Variants in CDK13 observed in about 807,000 individuals in gnomAD.
CDK13 encodes cyclin-dependent kinase 13.
In CDK13, 40 loss-of-function variants were observed where a neutral mutation model predicts 137.6. The ratio of observed to expected loss-of-function variants is 0.29; its 90% CI spans 0.23 to 0.38. The LOEUF (loss-of-function observed/expected upper bound fraction) is 0.38. Ranked by LOEUF, CDK13 falls within the 10% of genes least tolerant of loss-of-function variation. The pLI is 1.00. For missense variants in CDK13, 1,704 were observed against 1,951.8 expected, an observed-to-expected ratio of 0.87 and a Z score of 2.39; for synonymous variants, 869 against 760.1, an observed-to-expected ratio of 1.14 and a Z score of -2.36.
chr7:40,048,678 G>A (rs1785806717), intron 7 of CDK13: 2 of 147,688 alleles, frequency 1.4e-5, no homozygotes, highest in Non-Finnish European at 2.9e-5. Context: ...TCAGTTGATT[G>A]CAGTCTTAGG....
intron 1 of CDK13, among the ~76,000 whole-genome samples, chr7:39,963,001 G>C (rs997475453): frequency 2.0e-5 from 3 of 152,318 alleles, no homozygotes; most frequent in African/African-American, 7.2e-5. Flanking sequence ...TTTAGTACCA[G>C]TACCATGCTG....
intron 1 of CDK13, among the ~76,000 whole-genome samples, chr7:39,953,699 CAT>C (rs1195351539): frequency 6.6e-6 from 1 of 152,154 alleles, no homozygotes; most frequent in East Asian, 1.9e-4. Context: ...CCGTTCAACA[CAT>C]AATCTTTTCA....
Position 40,001,929 on chromosome 7 carries a change from C to A in CDK13, c.2251C>A (p.Arg751=). The change falls in exon 5 of 14, where the codon CGA becomes AGA. Residue 751 remains arginine, a synonymous_variant. Coordinates refer to ENST00000181839, the MANE Select transcript of CDK13 (RefSeq NM_003718.5). ...EKEGFPITAI[R]EIKILRQLTH... is the part of the protein sequence containing the mutation. ...GGAAGGCTTTCCAATTACAGCAATT[C>A]GAGAAATTAAAATTCTCCGGCAGCT... 1 of 1,609,602 alleles carries A rather than the reference C, an allele frequency of 6.2e-7. No individual in the cohort carries two copies. Among genetic ancestry groups the A allele is most frequent in the Non-Finnish European group, 8.5e-7 (1 of 1,176,356 alleles).
At chr7:39,977,784 C>T (rs1418615193) in intron 1 of CDK13, among the ~76,000 whole-genome samples, 1 of 152,092 alleles carries the variant, frequency 6.6e-6, no homozygotes, top group South Asian at 2.1e-4. Context: ...GGGAGACTTG[C>T]ACTGGGCCCA....
chr7:40,068,398 T>G lies in CDK13; in HGVS notation c.2780+5298T>G, dbSNP rs952662804. Among the ~76,000 whole-genome samples the G allele has an allele frequency of 1.6e-4, 24 of 151,634 alleles. 1 individual carries two copies. Among genetic ancestry groups the G allele is most frequent in the Non-Finnish European group, 3.1e-4 (21 of 67,902 alleles). Reference sequence around the variant, plus strand: ...ATTTTATAGCATGCTGTACTGTTACTAAGAAGGAAATAGTTGGTCAGGCAC... The same window carrying G: ...ATTTTATAGCATGCTGTACTGTTACGAAGAAGGAAATAGTTGGTCAGGCAC... On this transcript the variant is annotated intron_variant, in intron 9 of 13. Coordinates refer to ENST00000181839, the MANE Select transcript of CDK13 (RefSeq NM_003718.5).
At chr7:39,996,983 A>AAAAAAAAAAAAAAAAAAAAAAG (rs1562719391) in intron 2 of CDK13, among the ~76,000 whole-genome samples, 15 of 141,432 alleles carry the variant, frequency 1.1e-4, no homozygotes, top group African/African-American at 4.5e-4. Flanking sequence ...AAAAGAAAAA[A>AAAAAAAAAAAAAAAAAAAAAAG]AAAAAGAAAA....
At chr7:40,082,069 A>G (rs1339793674) in intron 11 of CDK13, among the ~76,000 whole-genome samples, 1 of 152,206 alleles carries the variant, frequency 6.6e-6, no homozygotes, top group African/African-American at 2.4e-5. Flanking sequence ...ATGAATTCCA[A>G]TTTTATTTTT....
chr7:39,969,550 G>A (rs1404895421), intron 1 of CDK13, among the ~76,000 whole-genome samples: 3 of 152,174 alleles, frequency 2.0e-5, no homozygotes, highest in Non-Finnish European at 4.4e-5. Flanking sequence ...CTGTGTTGTT[G>A]TATGGGAAGC....
chr7:40,003,628 A>G (rs1417257908), intron 5 of CDK13, among the ~76,000 whole-genome samples: 1 of 152,128 alleles, frequency 6.6e-6, no homozygotes, highest in Non-Finnish European at 1.5e-5. Context: ...AGTTTGTGCA[A>G]ATGCTGTTTG....
intron 5 of CDK13, among the ~76,000 whole-genome samples, chr7:40,020,494 C>T (rs1159883547): frequency 2.6e-5 from 4 of 152,130 alleles, no homozygotes; most frequent in South Asian, 2.1e-4. Flanking sequence ...CTGCTGTTCC[C>T]CCAATGTATT....
At chr7:40,087,389 C>T (rs1042547837) in intron 11 of CDK13, among the ~76,000 whole-genome samples, 4 of 151,764 alleles carry the variant, frequency 2.6e-5, no homozygotes, top group African/African-American at 7.3e-5. Flanking sequence ...GCAATCCTCC[C>T]GTCTTGGCCT....
intron 7 of CDK13, among the ~76,000 whole-genome samples, chr7:40,056,365 A>G (rs1183971755): frequency 6.6e-6 from 1 of 152,226 alleles, no homozygotes; most frequent in Non-Finnish European, 1.5e-5. Flanking sequence ...TATTTAAAAT[A>G]CAATTAAAGT....
At chr7:39,970,241 C>T (rs914480363) in intron 1 of CDK13, among the ~76,000 whole-genome samples, 2 of 151,268 alleles carry the variant, frequency 1.3e-5, no homozygotes, top group East Asian at 2.0e-4. Flanking sequence ...CTGACCTCAA[C>T]CTGCTTCTGC....
chr7:40,035,739 A>C (rs1391388097), intron 5 of CDK13, among the ~76,000 whole-genome samples: 1 of 152,008 alleles, frequency 6.6e-6, no homozygotes, highest in Non-Finnish European at 1.5e-5. Context: ...CAAGAAATGT[A>C]ATGTACTTGA....
At chr7:39,965,306 G>C (rs1413655814) in intron 1 of CDK13, among the ~76,000 whole-genome samples, 1 of 152,170 alleles carries the variant, frequency 6.6e-6, no homozygotes. Flanking sequence ...GGGTGCTCCT[G>C]TATTGGGTGC....
At chr7:39,989,909 A>T (rs1784422875) in intron 2 of CDK13, among the ~76,000 whole-genome samples, 1 of 149,928 alleles carries the variant, frequency 6.7e-6, no homozygotes, top group Non-Finnish European at 1.5e-5. Context: ...CAGCCTCCCG[A>T]GTAGGTGGGA....
At chr7:40,023,093 C>CTT (rs748459820) in intron 5 of CDK13, among the ~76,000 whole-genome samples, 45 of 137,538 alleles carry the variant, frequency 3.3e-4, no homozygotes, top group African/African-American at 7.7e-4. Flanking sequence ...TTATACTTAA[C>CTT]TTTTTTTTTT....
rs564399248 is a variant in CDK13, at chr7:40,063,108, G to C, written c.2780+8G>C. 2 of 1,591,540 alleles carry C rather than the reference G, an allele frequency of 1.3e-6. No homozygotes were observed. The highest frequency in any genetic ancestry group is 4.5e-5 in the East Asian group (2 of 44,756). ...ACAACTAGAATTAATAAGGTAAGCT[G>C]CTGATTATAATATTGGTGGGAATTG... On this transcript the variant is annotated splice_region_variant and intron_variant, in intron 9 of 13. Coordinates refer to ENST00000181839, the MANE Select transcript of CDK13 (RefSeq NM_003718.5).
chr7:40,012,731 G>A (rs997275040), intron 5 of CDK13, among the ~76,000 whole-genome samples: 4 of 152,100 alleles, frequency 2.6e-5, no homozygotes, highest in Non-Finnish European at 4.4e-5. Context: ...GGCCAAAATG[G>A]TGCAACCCCG....
Sources: gnomAD v4.1 joint callset for allele counts (sites outside exome capture counted in the v4.1 genomes callset) on GRCh38, gnomAD v4.1.1 for gene constraint, MANE v1.5 for transcripts, NCBI Gene and HGNC (gene_info 2026-07-23, HGNC 2026-07-21) for gene names.